RBX1: variants seen among roughly 807,000 people sequenced by gnomAD.
RBX1 encodes ring-box 1.
For synonymous variants in RBX1, 48 were observed against 47.9 expected (o/e 1.00, Z -0.01); for missense variants, 46 against 141.4 (o/e 0.33, Z 3.42).
At chr22:40,958,390 T>G (rs2058331275) in intron 2 of RBX1, among the ~76,000 whole-genome samples, 1 of 152,164 alleles carries the variant, frequency 6.6e-6, no homozygotes, top group Non-Finnish European at 1.5e-5. Context: ...AAAGACAATT[T>G]TTGTTAAAGA....
At position 40,970,117 on chromosome 22, in the gene RBX1, A is replaced by T. The variant is rs149329677; in HGVS notation, c.314+2233A>T. On this transcript the variant is annotated intron_variant, in intron 4 of 4. Coordinates refer to ENST00000216225, the MANE Select transcript of RBX1 (RefSeq NM_014248.4). ...ACACCTGTCATCCTAGCACTTTAGG[A>T]GGCTGAGGTGGGTGGATCACCTGAG... 3.5e-3 allele frequency among the ~76,000 whole-genome samples: 529 copies of T among 150,546 alleles called. 2 individuals carry two copies. The highest frequency in any genetic ancestry group is 0.012 in the African/African-American group (473 of 41,088).
intron 2 of RBX1, among the ~76,000 whole-genome samples, chr22:40,957,489 T>G (rs960403249): frequency 6.6e-6 from 1 of 151,676 alleles, no homozygotes; most frequent in Non-Finnish European, 1.5e-5. Context: ...CTACAAAAAA[T>G]TAGCCAGGCA....
At chr22:40,953,318 CAAATT>C (rs1433952901) in intron 1 of RBX1, among the ~76,000 whole-genome samples, 1 of 152,144 alleles carries the variant, frequency 6.6e-6, no homozygotes, top group Non-Finnish European at 1.5e-5. Context: ...CTATAGGAAA[CAAATT>C]AAAAGATGAC....
intron 4 of RBX1, among the ~76,000 whole-genome samples, chr22:40,968,612 T>A (rs1488766750): frequency 6.6e-6 from 1 of 152,198 alleles, no homozygotes; most frequent in Non-Finnish European, 1.5e-5. Context: ...TATTGTTATA[T>A]AAATAAAACA....
At chr22:40,968,008 A>G in intron 4 of RBX1, 124 bp downstream of exon 4, 1 of 613,306 alleles carries the variant, frequency 1.6e-6, no homozygotes, top group South Asian at 2.0e-5. Flanking sequence ...TTGGTTACTT[A>G]AGCTAGGACT....
At chr22:40,951,669 G>T (rs113109371) in intron 1 of RBX1, among the ~76,000 whole-genome samples, 193 bp downstream of exon 1, 26 of 152,122 alleles carry the variant, frequency 1.7e-4, no homozygotes, top group Admixed American at 1.5e-3. Flanking sequence ...TGGGGGAAGT[G>T]TTGGTTTCGC....
chr22:40,963,550 C>T (rs980893572), intron 2 of RBX1, among the ~76,000 whole-genome samples: 10 of 152,066 alleles, frequency 6.6e-5, no homozygotes, highest in Non-Finnish European at 4.4e-5. Context: ...ACACGAGAAT[C>T]GCTTGAACTC....
At chr22:40,957,712 G>A (rs1037260947) in intron 2 of RBX1, among the ~76,000 whole-genome samples, 2 of 152,154 alleles carry the variant, frequency 1.3e-5, no homozygotes, top group African/African-American at 4.8e-5. Context: ...CAAGTGCCCA[G>A]GCTGGAGCGC....
chr22:40,961,081 C>CTTTTTTTTTTTTTTTT (rs61092253), intron 2 of RBX1, among the ~76,000 whole-genome samples: 7 of 107,670 alleles, frequency 6.5e-5, no homozygotes, highest in African/African-American at 2.6e-4. Context: ...CGTGCCTGGC[C>CTTTTTTTTTTTTTTTT]TTTTTTTTTT....
chr22:40,972,552 A>T lies in RBX1; in HGVS notation c.*64A>T. The stretch of plus-strand genomic sequence containing the variant: ...TCATTTAATGACTTTCCCTGCTGTT[A>T]CCTAATTACAAATTGGATGGAACTG... On this transcript the variant is annotated 3_prime_UTR_variant, in exon 5 of 5. Coordinates refer to ENST00000216225, the MANE Select transcript of RBX1 (RefSeq NM_014248.4). 1 of 1,321,856 alleles carries T rather than the reference A, an allele frequency of 7.6e-7. No homozygotes were observed. The allele number at this position is 1,321,856 out of a possible 1,614,324, so 81.9% of individuals were successfully genotyped here.
intron 2 of RBX1, among the ~76,000 whole-genome samples, chr22:40,960,489 A>G (rs887406389): frequency 6.6e-6 from 1 of 152,130 alleles, no homozygotes; most frequent in Non-Finnish European, 1.5e-5. Flanking sequence ...AGGGAGCCTG[A>G]AGGGTTCTTT....
chr22:40,969,474 G>C (rs1212962213), intron 4 of RBX1, among the ~76,000 whole-genome samples: 1 of 152,172 alleles, frequency 6.6e-6, no homozygotes, highest in African/African-American at 2.4e-5. Flanking sequence ...GTATGGCTGG[G>C]CTTGGTGGCT....
At chr22:40,970,511 T>G (rs2058366360) in intron 4 of RBX1, among the ~76,000 whole-genome samples, 1 of 152,202 alleles carries the variant, frequency 6.6e-6, no homozygotes, top group Admixed American at 6.6e-5. Flanking sequence ...TTTTCCATCT[T>G]AGCCACTCTG....
intron 3 of RBX1, among the ~76,000 whole-genome samples, chr22:40,966,045 C>G (rs1200231393): frequency 6.6e-6 from 1 of 152,156 alleles, no homozygotes; most frequent in African/African-American, 2.4e-5. Context: ...GGTTCTAGTT[C>G]TGGGTCTTCT....
chr22:40,956,078 A>G (rs956708994), intron 2 of RBX1, among the ~76,000 whole-genome samples: 1 of 151,836 alleles, frequency 6.6e-6, no homozygotes, highest in Admixed American at 6.6e-5. Context: ...TTTTTTCTCT[A>G]TATTTAAGTC....
In RBX1 at chr22:40,964,040, C is replaced by A; in HGVS notation, c.158-7C>A. On this transcript the variant is annotated splice_polypyrimidine_tract_variant and splice_region_variant and intron_variant, in intron 2 of 4. Coordinates refer to ENST00000216225, the MANE Select transcript of RBX1 (RefSeq NM_014248.4). ...GTCCAGTGATCCTGTTGCTCTTGTT[C>A]CCACAGGCATAGAATGTCAAGCTAA... 1 of 1,612,604 alleles carries A rather than the reference C, an allele frequency of 6.2e-7. No individual in the cohort carries two copies. Among genetic ancestry groups the A allele is most frequent in the Non-Finnish European group, 8.5e-7 (1 of 1,178,678 alleles).
intron 2 of RBX1, among the ~76,000 whole-genome samples, chr22:40,957,949 C>T (rs1367113089): frequency 6.6e-6 from 1 of 151,978 alleles, no homozygotes; most frequent in Non-Finnish European, 1.5e-5. Flanking sequence ...CTCAGCTTCC[C>T]GAGTAGCTGG....
chr22:40,964,425 G>A (rs770549187), intron 3 of RBX1: 2 of 254,176 alleles, frequency 7.9e-6, no homozygotes, highest in Non-Finnish European at 1.6e-5. Context: ...GAATATTCTC[G>A]TGGTAGAACT....
At chr22:40,954,513 G>A (rs2058319846) in intron 2 of RBX1, among the ~76,000 whole-genome samples, 1 of 152,124 alleles carries the variant, frequency 6.6e-6, no homozygotes, top group African/African-American at 2.4e-5. Context: ...CTGATTTCCT[G>A]TCCTTACAGT....
Sources: gnomAD v4.1 joint callset for allele counts (sites outside exome capture counted in the v4.1 genomes callset) on GRCh38, gnomAD v4.1.1 for gene constraint, MANE v1.5 for transcripts, NCBI Gene and HGNC (gene_info 2026-07-23, HGNC 2026-07-21) for gene names.